The following ZSCAN25 variants were observed in gnomAD, a reference collection of about 807,000 sequenced individuals.
ZSCAN25 encodes the protein zinc finger and SCAN domain-containing protein 25.
Under a neutral mutation model 38.7 loss-of-function variants are expected in ZSCAN25, and 27 were observed. The ratio of observed to expected loss-of-function variants is 0.70; its 90% confidence interval spans 0.51 to 0.96. ZSCAN25 has a LOEUF of 0.96. Among genes scored for constraint, ZSCAN25 ranks in the 40% least tolerant of loss-of-function variants. The pLI is 0.00. For synonymous variants in ZSCAN25, 273 were observed against 277.7 expected (o/e 0.98, Z 0.17); for missense variants, 637 against 705.9 (o/e 0.90, Z 1.11).
At chr7:99,730,986 G>C in the ZSCAN25 span, 2 of 1,572,976 alleles carry the variant, frequency 1.3e-6, no homozygotes, top group South Asian at 2.2e-5. Context: ...TTGAGGAGAA[G>C]CATTTTTACT....
At chr7:99,701,261 C>T in the ZSCAN25 span, among the ~76,000 whole-genome samples, 8 of 152,162 alleles carry the variant, frequency 5.3e-5, no homozygotes, top group African/African-American at 1.4e-4. Context: ...GTTCCAGCCA[C>T]GTTATTATAA....
In ZSCAN25 at chr7:99,632,314, T is replaced by C. The variant is rs1260113002; in HGVS notation, c.*2294T>C. On this transcript the variant is annotated 3_prime_UTR_variant, in exon 8 of 8. Transcript: ENST00000394152. Reference sequence around the variant, plus strand: ...TTGTTTTCTGTATTTTTCTATTCTTTAGAAATTTTTTTATAATAGATAATT... The same window carrying C: ...TTGTTTTCTGTATTTTTCTATTCTTCAGAAATTTTTTTATAATAGATAATT... 2 of 914,494 alleles carry C rather than the reference T, an allele frequency of 2.2e-6. No individual in the cohort carries two copies. Among genetic ancestry groups the C allele is most frequent in the Admixed American group, 6.2e-5 (1 of 16,156 alleles). 56.6% of individuals were successfully genotyped at this position (914,494 alleles called of 1,614,324 possible). A position where few individuals can be genotyped will look rare whatever the true frequency, so the allele number is the denominator to read the frequency against.
chr7:99,722,259 A>T, the ZSCAN25 span: 1 of 1,612,722 alleles, frequency 6.2e-7, no homozygotes, highest in Non-Finnish European at 8.5e-7. Flanking sequence ...TCATCATAGA[A>T]ACAAGTCTAT....
At chr7:99,645,597 C>T in the ZSCAN25 span, among the ~76,000 whole-genome samples, 2 of 152,090 alleles carry the variant, frequency 1.3e-5, no homozygotes, top group Non-Finnish European at 2.9e-5. Flanking sequence ...TTATTTTTCT[C>T]CACAACCTTG....
In ZSCAN25 at chr7:99,632,031, G is replaced by A; in HGVS notation, c.*2011G>A. 5 of 985,462 alleles carry A rather than the reference G, an allele frequency of 5.1e-6. No homozygotes were observed. The highest frequency in any genetic ancestry group is 4.8e-6 in the Non-Finnish European group (4 of 829,982). 61.0% of individuals were successfully genotyped at this position (985,462 alleles called of 1,614,324 possible). On this transcript the variant is annotated 3_prime_UTR_variant, in exon 8 of 8. Coordinates refer to ENST00000394152, the MANE Select transcript of ZSCAN25 (RefSeq NM_145115.3). The stretch of plus-strand genomic sequence containing the variant: ...AGGTGGGGACTGGGGAGGCCTCGGG[G>A]GGCTGCTTGTCATTACCTGAATCAC...
the ZSCAN25 span, among the ~76,000 whole-genome samples, chr7:99,645,430 G>A: frequency 6.6e-6 from 1 of 152,128 alleles, no homozygotes; most frequent in Non-Finnish European, 1.5e-5. Context: ...ACATATGTGT[G>A]CATGTGTCTT....
At chr7:99,710,476 GT>G in the ZSCAN25 span, among the ~76,000 whole-genome samples, 1 of 152,284 alleles carries the variant, frequency 6.6e-6, no homozygotes, top group East Asian at 1.9e-4. Context: ...GTTTTTGGAT[GT>G]TTTTTTACTT....
chr7:99,646,674 C>T, the ZSCAN25 span, among the ~76,000 whole-genome samples: 1 of 152,112 alleles, frequency 6.6e-6, no homozygotes, highest in African/African-American at 2.4e-5. Context: ...CTCTAACGAG[C>T]TCTGGTTCCC....
chr7:99,703,657 C>T, the ZSCAN25 span, among the ~76,000 whole-genome samples: 4 of 152,226 alleles, frequency 2.6e-5, no homozygotes, highest in Admixed American at 6.5e-5. Flanking sequence ...TCCATGACTC[C>T]GTTCTTCAAA....
chr7:99,676,980 C>T, the ZSCAN25 span, among the ~76,000 whole-genome samples: 7 of 152,166 alleles, frequency 4.6e-5, no homozygotes. Flanking sequence ...GAACCAGCAA[C>T]TAATACTTCT....
the ZSCAN25 span, among the ~76,000 whole-genome samples, chr7:99,674,951 G>A: frequency 1.3e-5 from 2 of 152,252 alleles, no homozygotes; most frequent in South Asian, 4.1e-4. Flanking sequence ...GTGAGGAAAA[G>A]TGAGTGTCTG....
chr7:99,706,569 C>T, the ZSCAN25 span, among the ~76,000 whole-genome samples: 1 of 152,172 alleles, frequency 6.6e-6, no homozygotes, highest in Non-Finnish European at 1.5e-5. Flanking sequence ...TAGGGTCTTG[C>T]TTAATATGAA....
chr7:99,692,666 C>G, the ZSCAN25 span, among the ~76,000 whole-genome samples: 1 of 152,112 alleles, frequency 6.6e-6, no homozygotes, highest in Non-Finnish European at 1.5e-5. Flanking sequence ...CACTGATATC[C>G]TTTCTTACAG....
chr7:99,725,607 C>T, the ZSCAN25 span, among the ~76,000 whole-genome samples: 1 of 152,236 alleles, frequency 6.6e-6, no homozygotes, highest in African/African-American at 2.4e-5. Context: ...AAGCCGTGCC[C>T]TGTCTGTGTG....
the ZSCAN25 span, among the ~76,000 whole-genome samples, chr7:99,642,680 T>TA: frequency 6.6e-6 from 1 of 152,260 alleles, no homozygotes; most frequent in Non-Finnish European, 1.5e-5. Context: ...TCTATTTTCT[T>TA]ACGTAGATTT....
the ZSCAN25 span, among the ~76,000 whole-genome samples, chr7:99,683,488 T>A: frequency 6.6e-6 from 1 of 152,234 alleles, no homozygotes; most frequent in Non-Finnish European, 1.5e-5. Context: ...TTCATAGGAT[T>A]CCTGCTAGTT....
At position 99,621,606 on chromosome 7, in the gene ZSCAN25, G is replaced by A. The variant is rs1490354709; in HGVS notation, c.589+32G>A. 1.4e-5 allele frequency: 19 copies of A among 1,339,492 alleles called. No individual in the cohort carries two copies. In the East Asian group the frequency reaches 5.4e-4, roughly 38 times the overall value. 83.0% of individuals were successfully genotyped at this position (1,339,492 alleles called of 1,614,324 possible). On this transcript the variant is annotated intron_variant, in intron 5 of 7. Transcript: ENST00000394152. Reference sequence around the variant, plus strand: ...AAGACGCAGATAGTGGGGATGTCAGGTCATAGGAAACAGTGCTGTGCAGCC... The same window carrying A: ...AAGACGCAGATAGTGGGGATGTCAGATCATAGGAAACAGTGCTGTGCAGCC...
the ZSCAN25 span, among the ~76,000 whole-genome samples, chr7:99,682,215 C>T: frequency 2.0e-5 from 3 of 152,140 alleles, no homozygotes; most frequent in African/African-American, 7.2e-5. Context: ...AGTGATACAC[C>T]CGCCTCGGCC....
the ZSCAN25 span, among the ~76,000 whole-genome samples, chr7:99,723,121 T>C: frequency 1.3e-5 from 2 of 152,148 alleles, no homozygotes; most frequent in Non-Finnish European, 2.9e-5. Flanking sequence ...GTACATCTAC[T>C]AAAGATTTGA....
Sources: gnomAD v4.1 joint callset for allele counts (sites outside exome capture counted in the v4.1 genomes callset) on GRCh38, gnomAD v4.1.1 for gene constraint, MANE v1.5 for transcripts, NCBI Gene and HGNC (gene_info 2026-07-23, HGNC 2026-07-21) for gene names.